CRHR1: variants seen among roughly 807,000 people sequenced by gnomAD.
The protein encoded by CRHR1 is corticotropin-releasing hormone receptor 1.
In CRHR1, 28 loss-of-function variants were observed where a neutral mutation model predicts 56.0. That is an observed-to-expected ratio of 0.50 (90% confidence interval 0.37 to 0.69). The LOEUF (loss-of-function observed/expected upper bound fraction) is 0.69. CRHR1 is among the 30% of genes least tolerant of loss of function. The pLI is 0.00. For synonymous variants in CRHR1, 195 were observed against 216.5 expected, an observed-to-expected ratio of 0.90 and a Z score of 0.87; for missense variants, 376 against 548.0, an observed-to-expected ratio of 0.69 and a Z score of 3.13.
At chr17:45,806,889 C>A in intron 1 of CRHR1, 121 bp from the exon 2 acceptor site, 1 of 747,644 alleles carries the variant, frequency 1.3e-6, no homozygotes, top group South Asian at 1.7e-5. Context: ...GGATGTGTGA[C>A]AGGGTGGGAG....
intron 2 of CRHR1, among the ~76,000 whole-genome samples, chr17:45,808,717 T>C (rs150228948): frequency 2.0e-5 from 3 of 152,292 alleles, no homozygotes; most frequent in African/African-American, 7.2e-5. Context: ...GGCACAATCA[T>C]AGTTTAGTGC....
At chr17:45,823,503 G>T (rs1269613615) in intron 4 of CRHR1, among the ~76,000 whole-genome samples, 1 of 150,328 alleles carries the variant, frequency 6.7e-6, no homozygotes, top group Non-Finnish European at 1.5e-5. Flanking sequence ...CACCTCCCTG[G>T]TTCAAGTGAT....
At chr17:45,799,306 G>A (rs560784053) in intron 1 of CRHR1, 8 of 152,190 alleles carry the variant, frequency 5.3e-5, no homozygotes, top group Non-Finnish European at 1.0e-4. Context: ...TATTCAATTA[G>A]TCCGTAACTA....
intron 1 of CRHR1, among the ~76,000 whole-genome samples, chr17:45,797,484 G>T (rs1408933087): frequency 6.6e-6 from 1 of 151,670 alleles, no homozygotes; most frequent in Non-Finnish European, 1.5e-5. Context: ...TAGAGACGGG[G>T]TTTCACTGTG....
chr17:45,821,446 G>T lies in CRHR1; in HGVS notation c.327+6G>T. 6.2e-7 allele frequency: 1 copy of T among 1,611,468 alleles called. No homozygotes were observed. The highest frequency in any genetic ancestry group is 8.5e-7 in the Non-Finnish European group (1 of 1,179,982). ...AGGAGATCCTCAATGAGGAGGTGAG[G>T]CTGAGCCGAACAAGGCTGCCCATAT... On this transcript the variant is annotated splice_donor_region_variant and intron_variant, in intron 4 of 12. Transcript: ENST00000314537.
chr17:45,817,821 A>G (rs2061959699), intron 3 of CRHR1, among the ~76,000 whole-genome samples: 1 of 152,196 alleles, frequency 6.6e-6, no homozygotes, highest in Non-Finnish European at 1.5e-5. Flanking sequence ...CTTGGGGGCC[A>G]AGGGGAGGAA....
In CRHR1 at chr17:45,830,344, G is replaced by A. The variant is rs538080459; in HGVS notation, c.556-73G>A. The A allele has an allele frequency of 1.9e-6, 3 of 1,580,324 alleles. No homozygotes were observed. The East Asian group carries it at 6.7e-5, about 35-fold the overall frequency. On this transcript the variant is annotated intron_variant, in intron 6 of 12. Coordinates refer to ENST00000314537, the MANE Select transcript of CRHR1 (RefSeq NM_004382.5). ...CCAGGGTATGCCCTGTCCTGCCCTGGGGAGGCCCAGGCCCAGGGTTTGGTG... is the reference window on the plus strand; with the variant it reads ...CCAGGGTATGCCCTGTCCTGCCCTGAGGAGGCCCAGGCCCAGGGTTTGGTG...
At chr17:45,820,128 C>T (rs927743090) in intron 3 of CRHR1, among the ~76,000 whole-genome samples, 1 of 152,140 alleles carries the variant, frequency 6.6e-6, no homozygotes, top group Non-Finnish European at 1.5e-5. Flanking sequence ...GCTTTCCCAG[C>T]CCTGTTCCAG....
At chr17:45,827,551 G>T (rs2062193058) in intron 4 of CRHR1, 1 of 152,292 alleles carries the variant, frequency 6.6e-6, no homozygotes, top group East Asian at 1.9e-4. Flanking sequence ...CGGGTGATAG[G>T]TACCCTCTCC....
intron 3 of CRHR1, among the ~76,000 whole-genome samples, chr17:45,817,718 G>C (rs1222003049): frequency 6.6e-6 from 1 of 152,218 alleles, no homozygotes; most frequent in Admixed American, 6.5e-5. Context: ...AGGGCAGGAG[G>C]CTGGGGCAGC....
intron 9 of CRHR1, 99 bp downstream of exon 9, chr17:45,833,309 C>T: frequency 6.8e-7 from 1 of 1,477,466 alleles, no homozygotes; most frequent in Non-Finnish European, 9.5e-7. Flanking sequence ...AGGTGGGGGC[C>T]ACCCAAAGAG....
At chr17:45,807,339 C>CA (rs1178088869) in intron 2 of CRHR1, among the ~76,000 whole-genome samples, 1 of 152,164 alleles carries the variant, frequency 6.6e-6, no homozygotes, top group Non-Finnish European at 1.5e-5. Context: ...GCCGTGGGCA[C>CA]AGGAGTTTGC....
At chr17:45,823,274 G>A (rs1357263485) in intron 4 of CRHR1, among the ~76,000 whole-genome samples, 1 of 152,034 alleles carries the variant, frequency 6.6e-6, no homozygotes, top group African/African-American at 2.4e-5. Flanking sequence ...AGTGCCCCAG[G>A]GGAGCCTTCT....
intron 4 of CRHR1, 160 bp from the exon 5 acceptor site, chr17:45,829,055 G>A (rs988991764): frequency 2.1e-5 from 13 of 627,856 alleles, no homozygotes; most frequent in African/African-American, 5.5e-5. Context: ...ACTGGACGGC[G>A]TTGCTCTGCA....
In CRHR1 at chr17:45,823,119, G is replaced by C. The variant is rs1164174523; in HGVS notation, c.327+1679G>C. ...AGATCGCGCCACAGCACTCCAGCCT[G>C]GCGACAGAGCAAGACTCTGTCTCAA... On this transcript the variant is annotated intron_variant, in intron 4 of 12. Coordinates refer to ENST00000314537, the MANE Select transcript of CRHR1 (RefSeq NM_004382.5). 4.0e-5 allele frequency among the ~76,000 whole-genome samples: 6 copies of C among 150,600 alleles called. No individual in the cohort carries two copies. In the South Asian group the frequency reaches 1.3e-3, roughly 32 times the overall value.
At chr17:45,828,617 T>A (rs1002982907) in intron 4 of CRHR1, among the ~76,000 whole-genome samples, 2 of 152,194 alleles carry the variant, frequency 1.3e-5, no homozygotes, top group Non-Finnish European at 2.9e-5. Context: ...GGGCCAGGGA[T>A]GGGGAAGGCC....
chr17:45,795,511 C>A (rs145011563), intron 1 of CRHR1, among the ~76,000 whole-genome samples: 2 of 152,154 alleles, frequency 1.3e-5, no homozygotes, highest in Non-Finnish European at 2.9e-5. Context: ...AAATGCCAGT[C>A]GCACCTCCCC....
At position 45,833,218 on chromosome 17, in the gene CRHR1, C is replaced by A; in HGVS notation, c.843+8C>A. The A allele has an allele frequency of 6.2e-7, 1 of 1,613,810 alleles. No individual in the cohort carries two copies. The highest frequency in any genetic ancestry group is 8.5e-7 in the Non-Finnish European group (1 of 1,179,770). On this transcript the variant is annotated splice_region_variant and intron_variant, in intron 9 of 12. Coordinates refer to ENST00000314537, the MANE Select transcript of CRHR1 (RefSeq NM_004382.5). The stretch of plus-strand genomic sequence containing the variant: ...ATGATCCTGGTCCTGCTGGTAAGAA[C>A]CTGGGTAGGGGCAGGAGACAGGGCC...
At chr17:45,802,902 T>C (rs1458586970) in intron 1 of CRHR1, among the ~76,000 whole-genome samples, 2 of 152,230 alleles carry the variant, frequency 1.3e-5, no homozygotes, top group Non-Finnish European at 2.9e-5. Context: ...GCCATCTAAT[T>C]AGTGTCTTGG....
Sources: gnomAD v4.1 joint callset for allele counts (sites outside exome capture counted in the v4.1 genomes callset) on GRCh38, gnomAD v4.1.1 for gene constraint, MANE v1.5 for transcripts, NCBI Gene and HGNC (gene_info 2026-07-23, HGNC 2026-07-21) for gene names.